RIGI: variants seen among roughly 807,000 people sequenced by gnomAD.
The protein encoded by RIGI is RNA sensor RIG-I, also known as antiviral innate immune response receptor RIG-I.
chr9:32,485,289 T>TAA, the RIGI span: 3 of 1,460,688 alleles, frequency 2.1e-6, no homozygotes, highest in Non-Finnish European at 2.8e-6. Flanking sequence ...ACTAGAGACG[T>TAA]CAAAAAAAAA....
At chr9:32,510,102 CCTATG>C in the RIGI span, among the ~76,000 whole-genome samples, 2 of 151,998 alleles carry the variant, frequency 1.3e-5, no homozygotes, top group African/African-American at 2.4e-5. Context: ...AAAGACCAAA[CCTATG>C]TTTGATTGGT....
At chr9:32,493,678 C>A in the RIGI span, 1 of 877,394 alleles carries the variant, frequency 1.1e-6, no homozygotes, top group Non-Finnish European at 1.7e-6. Context: ...TGATCTTTCT[C>A]AGGTCTAAAA....
At chr9:32,480,461 T>C in the RIGI span, 2 of 1,152,614 alleles carry the variant, frequency 1.7e-6, no homozygotes, top group Non-Finnish European at 2.3e-6. Flanking sequence ...AAACTTTTCT[T>C]TTCAAATCTA....
chr9:32,504,119 G>A, the RIGI span, among the ~76,000 whole-genome samples: 1 of 151,440 alleles, frequency 6.6e-6, no homozygotes, highest in Non-Finnish European at 1.5e-5. Flanking sequence ...GAAAAGTGCT[G>A]CAGCTTCCAG....
At chr9:32,516,373 T>G in the RIGI span, among the ~76,000 whole-genome samples, 1 of 152,216 alleles carries the variant, frequency 6.6e-6, no homozygotes, top group African/African-American at 2.4e-5. Flanking sequence ...TGGCTTTCTG[T>G]GTGGCTACCA....
chr9:32,487,752 G>A, the RIGI span: 2 of 1,285,892 alleles, frequency 1.6e-6, no homozygotes, highest in Non-Finnish European at 1.1e-6. Context: ...AACACACAGT[G>A]TATGGCACAT....
the RIGI span, among the ~76,000 whole-genome samples, chr9:32,506,722 A>G: frequency 1.8e-4 from 27 of 152,320 alleles, no homozygotes; most frequent in African/African-American, 6.0e-4. Flanking sequence ...ATCTATTGCA[A>G]CAAGACTGAA....
the RIGI span, among the ~76,000 whole-genome samples, chr9:32,455,437 A>G: frequency 1.6e-4 from 24 of 152,202 alleles, no homozygotes; most frequent in African/African-American, 5.8e-4. Context: ...AGTGTGTGTA[A>G]AGGAGGAATT....
At chr9:32,525,318 G>A in the RIGI span, among the ~76,000 whole-genome samples, 1 of 152,140 alleles carries the variant, frequency 6.6e-6, no homozygotes, top group Non-Finnish European at 1.5e-5. Context: ...GTGGCACCCC[G>A]AACAGCAACA....
the RIGI span, among the ~76,000 whole-genome samples, chr9:32,494,601 A>T: frequency 2.0e-5 from 3 of 152,120 alleles, no homozygotes; most frequent in Non-Finnish European, 4.4e-5. Context: ...AGTCGTGTTA[A>T]ATTCATTTTG....
the RIGI span, chr9:32,485,300 AG>A: frequency 4.8e-4 from 718 of 1,484,918 alleles, 4 homozygotes; most frequent in African/African-American, 9.0e-3. Context: ...CAAAAAAAAA[AG>A]AAAAAGAAAA....
At chr9:32,457,376 A>C in the RIGI span, 2 of 1,614,130 alleles carry the variant, frequency 1.2e-6, no homozygotes, top group South Asian at 1.1e-5. Flanking sequence ...CTACTCACAA[A>C]GCATTCCTTA....
chr9:32,508,540 G>A, the RIGI span, among the ~76,000 whole-genome samples: 6 of 151,994 alleles, frequency 3.9e-5, no homozygotes, highest in Admixed American at 2.0e-4. Context: ...ATGAGGGACT[G>A]TGCCATGAGG....
the RIGI span, chr9:32,485,082 T>C: frequency 1.1e-6 from 1 of 879,072 alleles, no homozygotes; most frequent in Non-Finnish European, 1.8e-6. Flanking sequence ...GGTCTTGACA[T>C]TGTCTGAACT....
the RIGI span, among the ~76,000 whole-genome samples, chr9:32,524,916 C>T: frequency 1.3e-4 from 20 of 150,550 alleles, no homozygotes; most frequent in East Asian, 2.9e-3. Flanking sequence ...CTCAGCATTC[C>T]GCTGGAGGCT....
chr9:32,504,315 A>G, the RIGI span, among the ~76,000 whole-genome samples: 1 of 152,140 alleles, frequency 6.6e-6, no homozygotes. Flanking sequence ...AATATGAGTC[A>G]AAAGTTTTAT....
chr9:32,477,537 G>A, the RIGI span, among the ~76,000 whole-genome samples: 1 of 152,148 alleles, frequency 6.6e-6, no homozygotes, highest in Non-Finnish European at 1.5e-5. Flanking sequence ...AAATTAATAA[G>A]GGAGCTATGT....
chr9:32,512,546 C>T, the RIGI span, among the ~76,000 whole-genome samples: 5 of 152,224 alleles, frequency 3.3e-5, no homozygotes, highest in South Asian at 1.0e-3. Flanking sequence ...TCTCAATAAA[C>T]TAGGTATTGA....
chr9:32,464,028 C>T, the RIGI span, among the ~76,000 whole-genome samples: 1 of 151,382 alleles, frequency 6.6e-6, no homozygotes, highest in Non-Finnish European at 1.5e-5. Flanking sequence ...AAGATGGCTG[C>T]AGAGTGACCA....
Sources: allele counts gnomAD v4.1 joint callset (sites outside exome capture counted in the v4.1 genomes callset), GRCh38; gene constraint gnomAD v4.1.1; transcripts MANE v1.5; gene names NCBI Gene and HGNC (gene_info 2026-07-23, HGNC 2026-07-21).